The following MTHFD1L variants were observed in gnomAD, a reference collection of about 807,000 sequenced individuals.
MTHFD1L encodes the protein methylenetetrahydrofolate dehydrogenase (NADP+ dependent) 1 like, also known as monofunctional C1-tetrahydrofolate synthase, mitochondrial.
In MTHFD1L, 81 loss-of-function variants were observed where a neutral mutation model predicts 119.5. The ratio of observed to expected loss-of-function variants is 0.68; its 90% CI spans 0.57 to 0.82. The LOEUF is 0.82. Ranked by LOEUF, MTHFD1L falls within the 40% of genes least tolerant of loss-of-function variation. The pLI, the probability that MTHFD1L is intolerant of heterozygous loss-of-function variation, is 0.00. For missense variants in MTHFD1L, 1,125 were observed against 1,253.4 expected, an observed-to-expected ratio of 0.90 and a Z score of 1.55; for synonymous variants, 430 against 475.2, an observed-to-expected ratio of 0.90 and a Z score of 1.24.
chr6:150,964,866 G>T, intron 18 of MTHFD1L, 103 bp from the exon 19 acceptor site: 1 of 1,046,052 alleles, frequency 9.6e-7, no homozygotes, highest in Non-Finnish European at 1.5e-6. Flanking sequence ...GGTTGCCTGT[G>T]GGGACGCCCA....
chr6:151,004,472 G>T (rs1470050049), intron 20 of MTHFD1L, among the ~76,000 whole-genome samples: 1 of 152,188 alleles, frequency 6.6e-6, no homozygotes, highest in Non-Finnish European at 1.5e-5. Context: ...TGCCTGCCAG[G>T]AATGTTGTGT....
chr6:150,866,319 G>A, intron 1 of MTHFD1L: 2 of 1,457,504 alleles, frequency 1.4e-6, no homozygotes, highest in South Asian at 1.3e-5. Flanking sequence ...GGCATGGACC[G>A]CACGCCCGGC....
At chr6:150,889,778 C>T (rs1782920401) in intron 7 of MTHFD1L, among the ~76,000 whole-genome samples, 1 of 152,062 alleles carries the variant, frequency 6.6e-6, no homozygotes, top group Admixed American at 6.6e-5. Flanking sequence ...ATATTGCTGG[C>T]GGGAGTTTAA....
In MTHFD1L at chr6:150,876,095, T is replaced by G. The variant is rs752691220; in HGVS notation, c.233T>G (p.Val78Gly). 1.9e-6 allele frequency: 3 copies of G among 1,602,728 alleles called. No individual in the cohort carries two copies. In the East Asian group the frequency reaches 6.7e-5, roughly 36 times the overall value. The change falls in exon 2 of 28, where the codon GTC becomes GGC. Residue 78 changes from valine (V) to glycine (G), a missense_variant. Transcript: ENST00000367321. ...TGTTTTCTTTCTCAATGTAGAGAAG[T>G]CATTCAGAATTCAAAAGAAGTTCTA... ...PAARDSIVRE[V>G]IQNSKEVLSL...
Position 150,906,977 on chromosome 6 carries a change from A to G in MTHFD1L, c.892+1216A>G, listed in dbSNP as rs560355021. ...ATGTACTAAATAACATTTTAAAAAT[A>G]TGTGTAATTTATTCATATAACTTTT... On this transcript the variant is annotated intron_variant, in intron 8 of 27. Coordinates refer to ENST00000367321, the MANE Select transcript of MTHFD1L (RefSeq NM_015440.5). 7.2e-5 allele frequency among the ~76,000 whole-genome samples: 11 copies of G among 152,004 alleles called. No homozygotes were observed. In the South Asian group the frequency reaches 1.9e-3, roughly 26 times the overall value.
rs200685585 is a variant in MTHFD1L at position 150,960,433 on chromosome 6, G to A, written c.1944+18G>A. ...ATGATTTGGTGAGTGTTTCCAACTC[G>A]GAAGCTTCAGGGAGTGGACGGTCCT... On this transcript the variant is annotated intron_variant, in intron 18 of 27. Transcript: ENST00000367321. 3.7e-4 allele frequency: 582 copies of A among 1,588,980 alleles called. No individual in the cohort carries two copies. Among genetic ancestry groups the A allele is most frequent in the Middle Eastern group, 8.3e-4 (5 of 6,042 alleles).
chr6:150,939,683 C>CTTT (rs751835547), intron 13 of MTHFD1L, among the ~76,000 whole-genome samples: 5 of 108,420 alleles, frequency 4.6e-5, no homozygotes, highest in African/African-American at 1.3e-4. Flanking sequence ...CTTGCAGACT[C>CTTT]TTTTTTTTTT....
At chr6:151,093,100 G>A (rs1404285549) in intron 27 of MTHFD1L, among the ~76,000 whole-genome samples, 1 of 152,186 alleles carries the variant, frequency 6.6e-6, no homozygotes, top group Non-Finnish European at 1.5e-5. Context: ...CAGTTCTGGA[G>A]GCTAGAAGTC....
intron 20 of MTHFD1L, among the ~76,000 whole-genome samples, chr6:150,990,228 T>A (rs553996073): frequency 1.5e-3 from 221 of 151,504 alleles, no homozygotes; most frequent in African/African-American, 5.1e-3. Flanking sequence ...GCAGTGAGCC[T>A]AGATTGTACC....
intron 1 of MTHFD1L, among the ~76,000 whole-genome samples, chr6:150,873,065 C>A (rs1378820444): frequency 6.6e-6 from 1 of 152,046 alleles, no homozygotes. Flanking sequence ...CCCTGTAATT[C>A]CAGCACTTTG....
At chr6:150,996,362 G>A (rs895846309) in intron 20 of MTHFD1L, among the ~76,000 whole-genome samples, 1 of 151,928 alleles carries the variant, frequency 6.6e-6, no homozygotes, top group African/African-American at 2.4e-5. Context: ...TTTTGCAGAG[G>A]TGAGGTCTCA....
chr6:151,027,281 G>A (rs983297836), intron 24 of MTHFD1L, among the ~76,000 whole-genome samples: 31 of 151,948 alleles, frequency 2.0e-4, no homozygotes, highest in African/African-American at 6.5e-4. Flanking sequence ...TTCTGTCATC[G>A]TTGTTTGTTG....
chr6:150,953,719 A>AT (rs900865591), intron 16 of MTHFD1L, among the ~76,000 whole-genome samples: 17 of 151,490 alleles, frequency 1.1e-4, no homozygotes, highest in Middle Eastern at 3.4e-3. Context: ...CTTGCCAGAC[A>AT]TTTTTTTTTC....
chr6:150,950,213 G>T (rs1479835632), intron 16 of MTHFD1L, among the ~76,000 whole-genome samples: 1 of 152,118 alleles, frequency 6.6e-6, no homozygotes, highest in Non-Finnish European at 1.5e-5. Flanking sequence ...TGGTCTTCAG[G>T]ACACCCGCAG....
At chr6:151,040,072 C>T (rs1786855804) in intron 26 of MTHFD1L, among the ~76,000 whole-genome samples, 1 of 152,180 alleles carries the variant, frequency 6.6e-6, no homozygotes, top group Non-Finnish European at 1.5e-5. Context: ...CCCAGAGAGA[C>T]TGGACCATCA....
At chr6:150,885,402 G>A (rs1024984260) in intron 5 of MTHFD1L, among the ~76,000 whole-genome samples, 4 of 152,034 alleles carry the variant, frequency 2.6e-5, no homozygotes, top group African/African-American at 7.2e-5. Context: ...CGCCATGTTG[G>A]CCAGGCTAGT....
intron 13 of MTHFD1L, among the ~76,000 whole-genome samples, chr6:150,942,237 C>A (rs1037552589): frequency 2.0e-5 from 3 of 152,288 alleles, no homozygotes; most frequent in South Asian, 2.1e-4. Flanking sequence ...CCAGCCCAGG[C>A]AACAAGAGCG....
chr6:150,999,951 A>G (rs922196696), intron 20 of MTHFD1L, among the ~76,000 whole-genome samples: 7 of 152,148 alleles, frequency 4.6e-5, no homozygotes, highest in Non-Finnish European at 1.0e-4. Flanking sequence ...TAACTTCCTC[A>G]TGTTCTGTGC....
At chr6:150,980,528 T>A (rs1309519639) in intron 20 of MTHFD1L, among the ~76,000 whole-genome samples, 1 of 152,146 alleles carries the variant, frequency 6.6e-6, no homozygotes, top group African/African-American at 2.4e-5. Flanking sequence ...CACCACTCTG[T>A]TTCATCAAAA....
Sources: gnomAD v4.1 joint callset for allele counts (sites outside exome capture counted in the v4.1 genomes callset) on GRCh38, gnomAD v4.1.1 for gene constraint, MANE v1.5 for transcripts, NCBI Gene and HGNC (gene_info 2026-07-23, HGNC 2026-07-21) for gene names.